TSHR: variants seen among roughly 807,000 people sequenced by gnomAD.
TSHR encodes thyroid stimulating hormone receptor, also known as thyrotropin receptor.
TSHR carries 51 observed loss-of-function variants against 64.1 expected under a neutral mutation model. The ratio of observed to expected loss-of-function variants is 0.80; its 90% CI spans 0.64 to 1.01. The LOEUF is 1.01. Among genes scored for constraint, TSHR ranks in the 50% least tolerant of loss-of-function variants. The pLI is 0.00. For synonymous variants in TSHR, 361 were observed against 361.9 expected (o/e 1.00, Z 0.03); for missense variants, 877 against 942.8 (o/e 0.93, Z 0.91).
intron 3 of TSHR, among the ~76,000 whole-genome samples, chr14:81,073,528 C>G (rs1887272351): frequency 6.6e-6 from 1 of 152,056 alleles, no homozygotes; most frequent in African/African-American, 2.4e-5. Flanking sequence ...ACCATGTTCT[C>G]TAACTAGTAA....
At chr14:81,019,175 A>T (rs966524239) in intron 1 of TSHR, among the ~76,000 whole-genome samples, 5 of 152,072 alleles carry the variant, frequency 3.3e-5, no homozygotes, top group Admixed American at 2.0e-4. Flanking sequence ...CTCTACTAAA[A>T]ATACAAAAAT....
chr14:80,972,765 C>T (rs1887646564), intron 1 of TSHR, among the ~76,000 whole-genome samples: 1 of 152,156 alleles, frequency 6.6e-6, no homozygotes, highest in African/African-American at 2.4e-5. Context: ...CAGTCATTCC[C>T]CATTCCCCAC....
intron 1 of TSHR, among the ~76,000 whole-genome samples, chr14:80,976,778 C>A (rs1265381221): frequency 6.6e-6 from 1 of 152,240 alleles, no homozygotes; most frequent in Non-Finnish European, 1.5e-5. Flanking sequence ...GAGTTCTCCA[C>A]AGAGCCTAGT....
At chr14:81,011,081 C>G (rs752860845) in intron 1 of TSHR, among the ~76,000 whole-genome samples, 20 of 152,212 alleles carry the variant, frequency 1.3e-4, no homozygotes, top group Non-Finnish European at 2.6e-4. Context: ...TTAGCTGGAG[C>G]TAGGAACTAA....
At chr14:81,113,269 G>A (rs966322944) in intron 8 of TSHR, among the ~76,000 whole-genome samples, 10 of 152,162 alleles carry the variant, frequency 6.6e-5, no homozygotes, top group African/African-American at 1.2e-4. Flanking sequence ...CTGATGGATC[G>A]GATATAGCAG....
At chr14:81,087,870 T>C (rs1488857602) in intron 3 of TSHR, 84 bp from the exon 4 acceptor site, 2 of 1,143,932 alleles carry the variant, frequency 1.7e-6, no homozygotes, top group Non-Finnish European at 2.7e-6. Flanking sequence ...TGAACGTTTG[T>C]TAAAACTGAT....
intron 7 of TSHR, among the ~76,000 whole-genome samples, chr14:81,107,478 A>T (rs1021081368): frequency 4.6e-5 from 7 of 152,216 alleles, no homozygotes; most frequent in African/African-American, 1.7e-4. Context: ...TGTGTAATAA[A>T]GTTATGGGGA....
intron 1 of TSHR, chr14:80,982,184 C>A (rs975652629): frequency 1.7e-6 from 1 of 587,722 alleles, no homozygotes; most frequent in South Asian, 2.1e-5. Flanking sequence ...AGAACAAGGT[C>A]GGTGCTGAGA....
chr14:81,021,165 C>A (rs1283630465), intron 1 of TSHR, among the ~76,000 whole-genome samples: 1 of 152,064 alleles, frequency 6.6e-6, no homozygotes, highest in Non-Finnish European at 1.5e-5. Flanking sequence ...TGCCCCCGAC[C>A]CTGCCAGTCT....
intron 1 of TSHR, among the ~76,000 whole-genome samples, chr14:81,057,589 T>A (rs190444947): frequency 6.6e-6 from 1 of 152,260 alleles, no homozygotes. Flanking sequence ...GAATACTTTC[T>A]ATACTCACAT....
intron 1 of TSHR, among the ~76,000 whole-genome samples, chr14:80,990,561 C>T (rs779095555): frequency 6.6e-6 from 1 of 152,202 alleles, no homozygotes; most frequent in Non-Finnish European, 1.5e-5. Context: ...TTACTTAACC[C>T]TGTTACTTGA....
intron 1 of TSHR, among the ~76,000 whole-genome samples, chr14:81,043,948 A>ATGT (rs1885042809): frequency 6.6e-6 from 1 of 152,262 alleles, no homozygotes; most frequent in Non-Finnish European, 1.5e-5. Context: ...AGATGGATTA[A>ATGT]AGACTTAAAT....
At chr14:81,077,405 C>T (rs1489227512) in intron 3 of TSHR, among the ~76,000 whole-genome samples, 1 of 152,154 alleles carries the variant, frequency 6.6e-6, no homozygotes, top group Non-Finnish European at 1.5e-5. Flanking sequence ...TATGTGTGTA[C>T]ACACACATAT....
At chr14:81,053,610 C>T (rs528727082) in intron 1 of TSHR, 1 of 152,306 alleles carries the variant, frequency 6.6e-6, no homozygotes, top group African/African-American at 2.4e-5. Context: ...TCCTATAGAT[C>T]ACTGGTATGA....
chr14:81,012,785 GTTGT>G (rs1678486242), intron 1 of TSHR: 2 of 151,212 alleles, frequency 1.3e-5, no homozygotes, highest in Non-Finnish European at 3.0e-5. Flanking sequence ...TTTTGATGGG[GTTGT>G]TTGTTTTTTT....
rs528130455 is a variant in TSHR, at chr14:81,139,556, C to T, written c.693-123C>T. On this transcript the variant is annotated intron_variant, in intron 8 of 9. Coordinates refer to ENST00000298171, the MANE Select transcript of TSHR (RefSeq NM_000369.5). ...AGACCAGAAGCTCAGCTTATGTACT[C>T]AGTAGAAGAAAGGAGCATATCATCT... The T allele has an allele frequency of 1.8e-4, 175 of 987,796 alleles. 2 individuals carry two copies. The African/African-American group carries it at 2.5e-3, about 14-fold the overall frequency. 61.2% of individuals were successfully genotyped at this position (987,796 alleles called of 1,614,324 possible). A position where few individuals can be genotyped will look rare whatever the true frequency, so the allele number is the denominator to read the frequency against.
chr14:81,043,786 CT>C (rs1403098764), intron 1 of TSHR, among the ~76,000 whole-genome samples: 1 of 152,106 alleles, frequency 6.6e-6, no homozygotes, highest in African/African-American at 2.4e-5. Flanking sequence ...AGTCCACACA[CT>C]TACAAACATC....
chr14:81,033,231 G>A, intron 1 of TSHR: 1 of 468,370 alleles, frequency 2.1e-6, no homozygotes. Context: ...CCCTCAGAAG[G>A]GGCCAGAGCA....
intron 1 of TSHR, among the ~76,000 whole-genome samples, chr14:81,014,992 G>C (rs1381618163): frequency 6.6e-6 from 1 of 152,146 alleles, no homozygotes; most frequent in Admixed American, 6.6e-5. Flanking sequence ...CTGGTGATTT[G>C]AGTGTCAGGG....
Sources: gnomAD v4.1 joint callset for allele counts (sites outside exome capture counted in the v4.1 genomes callset) on GRCh38, gnomAD v4.1.1 for gene constraint, MANE v1.5 for transcripts, NCBI Gene and HGNC (gene_info 2026-07-23, HGNC 2026-07-21) for gene names.